The following CYP7B1 variants were observed in gnomAD, a reference collection of about 807,000 sequenced individuals.
CYP7B1 encodes the protein cytochrome P450 family 7 subfamily B member 1, also known as cytochrome P450 7B1.
CYP7B1 carries 29 observed loss-of-function variants against 42.7 expected under a neutral mutation model. That is an observed-to-expected ratio of 0.68 (90% CI 0.51 to 0.93). The LOEUF is 0.93. Among genes scored for constraint, CYP7B1 ranks in the 40% least tolerant of loss-of-function variants. The pLI is 0.00. For missense variants in CYP7B1, 655 were observed against 600.5 expected, an observed-to-expected ratio of 1.09 and a Z score of -0.95; for synonymous variants, 235 against 218.2, an observed-to-expected ratio of 1.08 and a Z score of -0.68.
chr8:64,707,890 T>G (rs1807023833), intron 1 of CYP7B1, among the ~76,000 whole-genome samples: 1 of 152,110 alleles, frequency 6.6e-6, no homozygotes, highest in Admixed American at 6.6e-5. Context: ...TAGAGATATA[T>G]ACACTGGCAT....
chr8:64,724,351 TG>T (rs1221372491), intron 1 of CYP7B1, among the ~76,000 whole-genome samples: 1 of 152,104 alleles, frequency 6.6e-6, no homozygotes, highest in East Asian at 1.9e-4. Flanking sequence ...TTCACCATGT[TG>T]GCCAGGCTTG....
intron 1 of CYP7B1, among the ~76,000 whole-genome samples, chr8:64,719,139 A>AT (rs1221525990): frequency 6.6e-6 from 1 of 152,256 alleles, no homozygotes; most frequent in Non-Finnish European, 1.5e-5. Flanking sequence ...AAGAGAGCAT[A>AT]TAAAGGTCAT....
At chr8:64,637,344 A>G (rs1367635030) in intron 1 of CYP7B1, among the ~76,000 whole-genome samples, 1 of 152,230 alleles carries the variant, frequency 6.6e-6, no homozygotes, top group East Asian at 1.9e-4. Flanking sequence ...CCATATTTTA[A>G]TATTGGATAA....
At chr8:64,656,489 G>C (rs1432384266) in intron 1 of CYP7B1, among the ~76,000 whole-genome samples, 1 of 152,160 alleles carries the variant, frequency 6.6e-6, no homozygotes, top group Non-Finnish European at 1.5e-5. Flanking sequence ...CTGCCTTTTG[G>C]GAAAAGCTGT....
chr8:64,612,928 G>A (rs919315038), intron 4 of CYP7B1, among the ~76,000 whole-genome samples: 8 of 152,084 alleles, frequency 5.3e-5, no homozygotes, highest in Non-Finnish European at 1.2e-4. Flanking sequence ...AAATACAACT[G>A]AGCTATGACT....
intron 1 of CYP7B1, among the ~76,000 whole-genome samples, chr8:64,733,266 T>C (rs1378719819): frequency 6.6e-6 from 1 of 152,164 alleles, no homozygotes; most frequent in Non-Finnish European, 1.5e-5. Context: ...CCCCCTACTA[T>C]ATTGAAGGAT....
At chr8:64,616,331 CAG>C in intron 2 of CYP7B1, 50 bp from the exon 3 acceptor site, 1 of 1,103,786 alleles carries the variant, frequency 9.1e-7, no homozygotes, top group South Asian at 1.4e-5. Flanking sequence ...GTTAATAAAA[CAG>C]AAATAAACAC....
At chr8:64,717,542 G>A (rs891559224) in intron 1 of CYP7B1, among the ~76,000 whole-genome samples, 4 of 151,908 alleles carry the variant, frequency 2.6e-5, no homozygotes, top group Non-Finnish European at 4.4e-5. Flanking sequence ...ATGTCCATTC[G>A]GATGCACATC....
intron 1 of CYP7B1, among the ~76,000 whole-genome samples, chr8:64,748,384 A>G (rs932849987): frequency 6.6e-6 from 1 of 152,102 alleles, no homozygotes; most frequent in African/African-American, 2.4e-5. Flanking sequence ...CTTCTGCCCC[A>G]AACACTTCAC....
chr8:64,674,777 C>T (rs955481579), intron 1 of CYP7B1, among the ~76,000 whole-genome samples: 1 of 152,042 alleles, frequency 6.6e-6, no homozygotes, highest in Admixed American at 6.6e-5. Flanking sequence ...AAAAATAAAA[C>T]AATACCTTTG....
At chr8:64,631,567 C>A (rs1805697281) in intron 1 of CYP7B1, among the ~76,000 whole-genome samples, 1 of 151,860 alleles carries the variant, frequency 6.6e-6, no homozygotes, top group South Asian at 2.1e-4. Flanking sequence ...AATAAACTGG[C>A]GAGACTAAAT....
chr8:64,726,166 C>A (rs1037801244), intron 1 of CYP7B1, among the ~76,000 whole-genome samples: 1 of 152,108 alleles, frequency 6.6e-6, no homozygotes, highest in Admixed American at 6.6e-5. Context: ...TCTTCTACCC[C>A]TCTGATCTTT....
intron 1 of CYP7B1, among the ~76,000 whole-genome samples, chr8:64,628,124 C>T (rs2129630522): frequency 6.6e-6 from 1 of 152,276 alleles, no homozygotes; most frequent in East Asian, 1.9e-4. Flanking sequence ...CCTACTCCCT[C>T]ATAATCTCAA....
intron 1 of CYP7B1, among the ~76,000 whole-genome samples, chr8:64,626,856 TCA>T (rs1385638121): frequency 6.6e-6 from 1 of 152,230 alleles, no homozygotes; most frequent in Non-Finnish European, 1.5e-5. Flanking sequence ...TTTTGATTAA[TCA>T]CAAGATATTA....
intron 1 of CYP7B1, among the ~76,000 whole-genome samples, chr8:64,698,473 A>C (rs1193927474): frequency 6.6e-6 from 1 of 152,176 alleles, no homozygotes. Flanking sequence ...GTATCACATC[A>C]AAAGGGAGTT....
intron 4 of CYP7B1, among the ~76,000 whole-genome samples, chr8:64,609,903 C>T (rs1050219215): frequency 3.3e-5 from 5 of 152,142 alleles, no homozygotes; most frequent in African/African-American, 1.2e-4. Flanking sequence ...CTTGGCTGCA[C>T]ATTAGAATCA....
chr8:64,765,621 T>A (rs970038226), intron 1 of CYP7B1, among the ~76,000 whole-genome samples: 2 of 152,060 alleles, frequency 1.3e-5, no homozygotes, highest in African/African-American at 4.8e-5. Context: ...TCAGTGAGCG[T>A]TAACTAATCC....
chr8:64,698,088 A>C (rs1244211648), intron 1 of CYP7B1, among the ~76,000 whole-genome samples: 2 of 152,200 alleles, frequency 1.3e-5, no homozygotes, highest in African/African-American at 4.8e-5. Flanking sequence ...CCAGTTTTCC[A>C]ATGTCTCATG....
At chr8:64,625,004 C>T (rs1346375645) in intron 1 of CYP7B1, among the ~76,000 whole-genome samples, 6 of 106,198 alleles carry the variant, frequency 5.6e-5, no homozygotes, top group East Asian at 6.3e-4. Flanking sequence ...GACGGAGTCT[C>T]GCTCTGTCAC....
Sources: allele counts gnomAD v4.1 joint callset (sites outside exome capture counted in the v4.1 genomes callset), GRCh38; gene constraint gnomAD v4.1.1; transcripts MANE v1.5; gene names NCBI Gene and HGNC (gene_info 2026-07-23, HGNC 2026-07-21).